Variants in SLC27A1 observed in about 807,000 individuals in gnomAD.
The protein encoded by SLC27A1 is long-chain fatty acid transport protein 1.
In SLC27A1, 61 loss-of-function variants were observed where a neutral mutation model predicts 62.2. That is an observed-to-expected ratio of 0.98 (90% CI 0.80 to 1.21). The LOEUF (loss-of-function observed/expected upper bound fraction) is 1.21. Ranked by LOEUF, SLC27A1 falls within the 50% of genes most tolerant of loss-of-function variation. SLC27A1 has a pLI of 0.00. For synonymous variants in SLC27A1, 435 were observed against 408.6 expected (o/e 1.06, Z -0.78); for missense variants, 903 against 932.1 (o/e 0.97, Z 0.41).
intron 1 of SLC27A1, among the ~76,000 whole-genome samples, chr19:17,480,541 C>CTTTTTTTTTTTTTTTTTTT (rs3079223): frequency 8.9e-6 from 1 of 111,776 alleles, no homozygotes; most frequent in Non-Finnish European, 1.7e-5. Context: ...TAATTTTTTT[C>CTTTTTTTTTTTTTTTTTTT]TTTTTTTTTT....
intron 8 of SLC27A1, 42 bp from the exon 9 acceptor site, chr19:17,500,453 C>A (rs751970008): frequency 1.9e-6 from 3 of 1,612,128 alleles, no homozygotes; most frequent in South Asian, 2.2e-5. Flanking sequence ...GGTCCCCACG[C>A]CCTGCCTGCC....
At chr19:17,473,841 A>G (rs1166056920) in intron 1 of SLC27A1, among the ~76,000 whole-genome samples, 2 of 152,200 alleles carry the variant, frequency 1.3e-5, no homozygotes. Flanking sequence ...CAGACTGGGC[A>G]ACATGAGCGA....
chr19:17,489,262 A>T (rs1001748060), intron 6 of SLC27A1, 145 bp downstream of exon 6: 3 of 666,016 alleles, frequency 4.5e-6, no homozygotes, highest in Non-Finnish European at 7.7e-6. Context: ...GTCCTCTCCC[A>T]GCCAGGCCCC....
chr19:17,491,917 T>C (rs940887882), intron 6 of SLC27A1, among the ~76,000 whole-genome samples: 1 of 152,078 alleles, frequency 6.6e-6, no homozygotes, highest in Admixed American at 6.6e-5. Context: ...AAATATTTCA[T>C]CTGTAGGTGC....
At chr19:17,480,050 C>T (rs946259001) in intron 1 of SLC27A1, among the ~76,000 whole-genome samples, 9 of 151,972 alleles carry the variant, frequency 5.9e-5, no homozygotes, top group African/African-American at 9.7e-5. Flanking sequence ...TTTTTTGAGA[C>T]GGAGTCTCAC....
Position 17,477,240 on chromosome 19 carries a change from C to CTTTTTTTTTTTTTTTTTTTTTTTT in SLC27A1, c.167+6534_167+6557dup, listed in dbSNP as rs1221324202. ...TTATTGGTTGAATGGATGAGCAGCG[C>CTTTTTTTTTTTTTTTTTTTTTTTT]TTTTTTTTTTTTTTTTTTTTTTTTG... On this transcript the variant is annotated intron_variant, in intron 1 of 11. Coordinates refer to ENST00000252595, the MANE Select transcript of SLC27A1 (RefSeq NM_198580.3). 2.1e-4 allele frequency among the ~76,000 whole-genome samples: 9 copies of CTTTTTTTTTTTTTTTTTTTTTTTT among 43,816 alleles called. 1 individual carries two copies. The highest frequency in any genetic ancestry group is 3.5e-4 in the Admixed American group (1 of 2,832). 28.7% of individuals were successfully genotyped at this position (43,816 alleles called of 152,430 possible).
chr19:17,490,152 T>A (rs562486528), intron 6 of SLC27A1: 15 of 152,206 alleles, frequency 9.9e-5, no homozygotes, highest in African/African-American at 3.6e-4. Context: ...TATATTTTTA[T>A]TATTATTATT....
In SLC27A1 at chr19:17,500,728, G is replaced by A. The variant is rs532929417; in HGVS notation, c.1488G>A (p.Met496Ile). The change falls in exon 10 of 12, where the codon ATG (methionine) becomes ATA (isoleucine). Residue 496 changes from methionine (M) to isoleucine (I), a missense_variant. By Grantham distance (10) the Met-to-Ile change is conservative. Transcript: ENST00000252595. ...SAYLSGDVLV[M>I]DELGYMYFRD... ...CTCTGCCAGGTGACGTGCTAGTGAT[G>A]GATGAGCTGGGCTACATGTACTTCC... 106 of 1,614,110 alleles carry A rather than the reference G, an allele frequency of 6.6e-5. No individual in the cohort carries two copies. The highest frequency in any genetic ancestry group is 2.1e-4 in the South Asian group (19 of 91,086).
At chr19:17,479,776 C>T (rs771098682) in intron 1 of SLC27A1, among the ~76,000 whole-genome samples, 4 of 151,794 alleles carry the variant, frequency 2.6e-5, no homozygotes, top group Non-Finnish European at 4.4e-5. Context: ...TTTGAGTAGC[C>T]GGGATTACAG....
chr19:17,479,470 T>C (rs1036909779), intron 1 of SLC27A1, among the ~76,000 whole-genome samples: 16 of 152,280 alleles, frequency 1.1e-4, no homozygotes, highest in Admixed American at 1.0e-3. Flanking sequence ...AGACAATCCA[T>C]TGTATAGGTC....
At chr19:17,474,332 T>C (rs78334009) in intron 1 of SLC27A1, among the ~76,000 whole-genome samples, 4,544 of 152,308 alleles carry the variant, frequency 0.03, 97 homozygotes, top group Middle Eastern at 0.048. Flanking sequence ...TTGGTGCCAC[T>C]GTGGCCCTGC....
intron 6 of SLC27A1, 79 bp downstream of exon 6, chr19:17,489,196 TCCCGGTGAGG>T (rs1410404596): frequency 1.7e-6 from 2 of 1,179,104 alleles, no homozygotes; most frequent in African/African-American, 3.2e-5. Context: ...CCCCACCTCC[TCCCGGTGAGG>T]CCCCGTACCT....
At chr19:17,483,367 A>G (rs1168100883) in intron 1 of SLC27A1, among the ~76,000 whole-genome samples, 1 of 151,932 alleles carries the variant, frequency 6.6e-6, no homozygotes, top group Non-Finnish European at 1.5e-5. Context: ...GGTGCCTGGA[A>G]GGTTTCCTGA....
chr19:17,480,124 T>C (rs2075161882), intron 1 of SLC27A1, among the ~76,000 whole-genome samples: 1 of 150,888 alleles, frequency 6.6e-6, no homozygotes, highest in Non-Finnish European at 1.5e-5. Flanking sequence ...ACCTCCCAGG[T>C]TCCAGTGATT....
chr19:17,488,854 C>G lies in SLC27A1; in HGVS notation c.801C>G (p.Tyr267Ter), dbSNP rs1335400981. The change falls in exon 5 of 12, where the codon TAC (tyrosine) becomes TAG (stop). Residue 267 changes from tyrosine to a stop codon, truncating the protein, a stop_gained. Coordinates refer to ENST00000252595, the MANE Select transcript of SLC27A1 (RefSeq NM_198580.3). LOFTEE classifies it high-confidence loss of function. The part of the protein sequence containing the change: ...KAAIVVHSRY[Y>*]RMAAFGHHAY... ...GCTCCCCCTCCCCCTGCAGGTACTA[C>G]CGCATGGCAGCCTTCGGCCACCACG... is the stretch of plus-strand genomic sequence containing the variant. The G allele has an allele frequency of 6.2e-7, 1 of 1,613,498 alleles. No homozygotes were observed. Among genetic ancestry groups the G allele is most frequent in the Non-Finnish European group, 8.5e-7 (1 of 1,179,936 alleles).
rs879756717 is a variant in SLC27A1, at chr19:17,473,210, G to A, written c.167+2503G>A. 1.6e-4 allele frequency among the ~76,000 whole-genome samples: 25 copies of A among 152,270 alleles called. 1 individual carries two copies. Among genetic ancestry groups the A allele is most frequent in the African/African-American group, 2.6e-4 (11 of 41,554 alleles). On this transcript the variant is annotated intron_variant, in intron 1 of 11. Transcript: ENST00000252595. ...AGCCTCCCAAAGTGCTGGGATTACCGCGCCCAGCGTGAACTGCTTTGAACC... is the reference window on the plus strand; with the variant it reads ...AGCCTCCCAAAGTGCTGGGATTACCACGCCCAGCGTGAACTGCTTTGAACC...
At position 17,486,488 on chromosome 19, in the gene SLC27A1, C is replaced by A; in HGVS notation, c.168-75C>A. ...CCCTGGCTGCCCTGGGGTCCTCCAG[C>A]GGGGAGGCTGAGGCTCCCAGAGGCC... is the stretch of plus-strand genomic sequence containing the variant. On this transcript the variant is annotated intron_variant, in intron 1 of 11. Transcript: ENST00000252595. This position sits in a 1 kb window ranked among gnomAD's most constrained non-coding sequence, Gnocchi z 6.6. 1 of 1,468,994 alleles carries A rather than the reference C, an allele frequency of 6.8e-7. No individual in the cohort carries two copies. The highest frequency in any genetic ancestry group is 9.0e-7 in the Non-Finnish European group (1 of 1,109,006). 91.0% of individuals were successfully genotyped at this position (1,468,994 alleles called of 1,614,324 possible).
Position 17,505,082 on chromosome 19 carries a change from C to T in SLC27A1, c.*470C>T, listed in dbSNP as rs1279877853. ...CTAATTTTTATATTTTTAGTAGAGA[C>T]GGGGTTTCACCATGTTGGTCAGGTT... On this transcript the variant is annotated 3_prime_UTR_variant, in exon 12 of 12. Transcript: ENST00000252595. The T allele has an allele frequency of 2.2e-5, 8 of 356,716 alleles. No individual in the cohort carries two copies. The highest frequency in any genetic ancestry group is 8.6e-5 in the African/African-American group (4 of 46,658). 22.1% of individuals were successfully genotyped at this position (356,716 alleles called of 1,614,324 possible).
At chr19:17,497,568 G>A (rs569541205) in intron 7 of SLC27A1, 104 bp downstream of exon 7, 32 of 1,085,454 alleles carry the variant, frequency 2.9e-5, no homozygotes, top group South Asian at 2.6e-4. Flanking sequence ...GGACTGGCGC[G>A]GAAGGCTCCG....
Sources: gnomAD v4.1 joint callset for allele counts (sites outside exome capture counted in the v4.1 genomes callset) on GRCh38, gnomAD v4.1.1 for gene constraint, Gnocchi (gnomAD v3.1) non-coding constraint, MANE v1.5 for transcripts, NCBI Gene and HGNC (gene_info 2026-07-23, HGNC 2026-07-21) for gene names.